Variants in TLE4 observed in about 807,000 individuals in gnomAD.
TLE4 encodes the protein transducin-like enhancer protein 4.
Under a neutral mutation model 92.8 loss-of-function variants are expected in TLE4, and 8 were observed. The observed-to-expected ratio is 0.09, with a 90% CI of 0.05 to 0.16. TLE4 has a LOEUF of 0.16. Among genes scored for constraint, TLE4 ranks in the 10% least tolerant of loss-of-function variants. The probability of loss-of-function intolerance (pLI) is 1.00; values close to 1 mark genes in which losing one functional copy is unlikely to be tolerated. For synonymous variants in TLE4, 371 were observed against 374.1 expected, an observed-to-expected ratio of 0.99 and a Z score of 0.10; for missense variants, 675 against 997.6, an observed-to-expected ratio of 0.68 and a Z score of 4.36.
At chr9:79,615,358 G>T (rs770540214) in intron 5 of TLE4, among the ~76,000 whole-genome samples, 1 of 152,004 alleles carries the variant, frequency 6.6e-6, no homozygotes, top group Non-Finnish European at 1.5e-5. Flanking sequence ...CTACCAAAAC[G>T]GCAGCTGCTG....
intron 1 of TLE4, chr9:79,573,410 CCTGT>C: frequency 8.3e-7 from 1 of 1,204,420 alleles, no homozygotes; most frequent in South Asian, 2.7e-5. Flanking sequence ...TCCCTGGGTG[CCTGT>C]CTTTGGCCGG....
intron 6 of TLE4, 36 bp from the exon 7 acceptor site, chr9:79,652,557 G>C: frequency 6.2e-7 from 1 of 1,610,326 alleles, no homozygotes; most frequent in Non-Finnish European, 8.5e-7. Context: ...GGATATGGGG[G>C]CAAATTCAAT....
At chr9:79,707,698 CTA>C in intron 11 of TLE4, among the ~76,000 whole-genome samples, 1 of 152,134 alleles carries the variant, frequency 6.6e-6, no homozygotes, top group East Asian at 1.9e-4. Flanking sequence ...TGCTTAGTCT[CTA>C]TGACAATTCA....
At chr9:79,668,716 A>G in intron 8 of TLE4, 1 of 500,614 alleles carries the variant, frequency 2.0e-6, no homozygotes. Context: ...AGGATTAAGA[A>G]GAACAGTATA....
Position 79,601,471 on chromosome 9 carries a change from A to G in TLE4, c.253-11185A>G, listed in dbSNP as rs117481336. 4,179 of 455,340 alleles carry G rather than the reference A, an allele frequency of 9.2e-3. 61 individuals are homozygous for G. Among genetic ancestry groups the G allele is most frequent in the Middle Eastern group, 0.016 (32 of 1,972 alleles). The allele number at this position is 455,340 out of a possible 1,614,324, so 28.2% of individuals were successfully genotyped here. A position where few individuals can be genotyped will look rare whatever the true frequency, so the allele number is the denominator to read the frequency against. The stretch of plus-strand genomic sequence containing the variant: ...AACCCTGAATGGAGCTGTTCTTCCA[A>G]TAGCCTGTGCTCACTTCGTGTCTCT... On this transcript the variant is annotated intron_variant, in intron 4 of 19. Transcript: ENST00000376552.
At chr9:79,647,605 GA>G (rs1303676784) in intron 6 of TLE4, among the ~76,000 whole-genome samples, 5 of 152,058 alleles carry the variant, frequency 3.3e-5, no homozygotes, top group Admixed American at 6.6e-5. Flanking sequence ...GAAGAAAATA[GA>G]GTCAGAATTC....
At chr9:79,603,014 G>A (rs1169739412) in intron 4 of TLE4, among the ~76,000 whole-genome samples, 3 of 152,136 alleles carry the variant, frequency 2.0e-5, no homozygotes. Context: ...TTTGGGGGTG[G>A]ACCTTGAAGA....
chr9:79,693,498 C>T (rs1196872174), intron 8 of TLE4: 11 of 319,136 alleles, frequency 3.4e-5, no homozygotes, highest in Non-Finnish European at 6.2e-5. Flanking sequence ...GGATCTTCTG[C>T]GTTTCAATTA....
Position 79,674,698 on chromosome 9 carries a change from G to A in TLE4, c.609+20623G>A, listed in dbSNP as rs577258653. 1.6e-3 allele frequency among the ~76,000 whole-genome samples: 246 copies of A among 152,208 alleles called. 1 individual carries two copies. The highest frequency in any genetic ancestry group is 5.6e-3 in the African/African-American group (231 of 41,542). ...AGAGTGTAAACTTGTCACGTGGGGCGGGATGTTTTAATACTTCACAATTTT... is the reference window on the plus strand; with the variant it reads ...AGAGTGTAAACTTGTCACGTGGGGCAGGATGTTTTAATACTTCACAATTTT... On this transcript the variant is annotated intron_variant, in intron 8 of 19. Coordinates refer to ENST00000376552, the MANE Select transcript of TLE4 (RefSeq NM_007005.6).
chr9:79,612,895 G>A (rs535936082), intron 5 of TLE4, among the ~76,000 whole-genome samples, 177 bp downstream of exon 5: 1 of 152,128 alleles, frequency 6.6e-6, no homozygotes, highest in Non-Finnish European at 1.5e-5. Context: ...CTTTCTGTGG[G>A]ATATAATTTA....
chr9:79,723,540 C>T (rs2075970901), intron 19 of TLE4, among the ~76,000 whole-genome samples: 1 of 152,090 alleles, frequency 6.6e-6, no homozygotes, highest in African/African-American at 2.4e-5. Context: ...GTAGAAGGAC[C>T]AAATTGTAGA....
chr9:79,591,053 C>T (rs922415325), intron 4 of TLE4, among the ~76,000 whole-genome samples: 1 of 152,168 alleles, frequency 6.6e-6, no homozygotes, highest in Non-Finnish European at 1.5e-5. Flanking sequence ...GTTAATTAAC[C>T]TCATACTATG....
intron 4 of TLE4, among the ~76,000 whole-genome samples, chr9:79,586,202 C>G (rs2041047173): frequency 6.6e-6 from 1 of 151,976 alleles, no homozygotes. Flanking sequence ...GAAACGCTGT[C>G]TCTACTAAAA....
chr9:79,713,999 G>T (rs1261315184), intron 14 of TLE4, among the ~76,000 whole-genome samples: 1 of 152,030 alleles, frequency 6.6e-6, no homozygotes, highest in Admixed American at 6.6e-5. Flanking sequence ...AAGTAGCTGG[G>T]ATTACAGGCA....
chr9:79,587,808 A>G (rs2041518509), intron 4 of TLE4, among the ~76,000 whole-genome samples: 2 of 152,232 alleles, frequency 1.3e-5, no homozygotes, highest in Non-Finnish European at 2.9e-5. Context: ...TCATATGTAT[A>G]TCTTGGGCAA....
At chr9:79,620,878 C>T (rs939381304) in intron 5 of TLE4, among the ~76,000 whole-genome samples, 1 of 151,946 alleles carries the variant, frequency 6.6e-6, no homozygotes, top group Non-Finnish European at 1.5e-5. Flanking sequence ...GTGGTGAAAG[C>T]AGAAAAGGAG....
At chr9:79,612,067 T>C (rs2048501177) in intron 4 of TLE4, among the ~76,000 whole-genome samples, 1 of 152,030 alleles carries the variant, frequency 6.6e-6, no homozygotes, top group South Asian at 2.1e-4. Flanking sequence ...AGGACACATT[T>C]GGAAATTTTT....
intron 6 of TLE4, chr9:79,649,813 C>T (rs1461159777): frequency 1.5e-6 from 2 of 1,364,874 alleles, no homozygotes; most frequent in Non-Finnish European, 2.0e-6. Context: ...TATTTTTTAT[C>T]CTGTAGGAGA....
intron 8 of TLE4, among the ~76,000 whole-genome samples, chr9:79,684,165 A>G (rs2065296158): frequency 6.6e-6 from 1 of 152,208 alleles, no homozygotes; most frequent in East Asian, 1.9e-4. Flanking sequence ...TCTAAACCAT[A>G]CTGGTATGAA....
Sources: gnomAD v4.1 joint callset for allele counts (sites outside exome capture counted in the v4.1 genomes callset) on GRCh38, gnomAD v4.1.1 for gene constraint, MANE v1.5 for transcripts, NCBI Gene and HGNC (gene_info 2026-07-23, HGNC 2026-07-21) for gene names.